The following CDK19 variants were observed in gnomAD, a reference collection of about 807,000 sequenced individuals.
The protein encoded by CDK19 is cyclin-dependent kinase 19.
Under a neutral mutation model 68.3 loss-of-function variants are expected in CDK19, and 20 were observed. The ratio of observed to expected loss-of-function variants is 0.29; its 90% CI spans 0.21 to 0.43. The LOEUF is 0.43. Ranked by LOEUF, CDK19 falls within the 20% of genes least tolerant of loss-of-function variation. The pLI is 1.00. For synonymous variants in CDK19, 221 were observed against 222.8 expected (o/e 0.99, Z 0.07); for missense variants, 339 against 623.5 (o/e 0.54, Z 4.86).
intron 2 of CDK19, among the ~76,000 whole-genome samples, chr6:110,735,108 CTTCT>C (rs1777143672): frequency 6.8e-6 from 1 of 146,234 alleles, no homozygotes. Context: ...AATTTTTAAT[CTTCT>C]TTTTTTTTTT....
chr6:110,740,820 T>G (rs1052294447), intron 2 of CDK19, among the ~76,000 whole-genome samples: 5 of 152,192 alleles, frequency 3.3e-5, no homozygotes, highest in African/African-American at 9.6e-5. Context: ...CCCTATCTAC[T>G]CTTTATGGTG....
chr6:110,707,583 T>C (rs1465236854), intron 2 of CDK19, among the ~76,000 whole-genome samples: 1 of 152,180 alleles, frequency 6.6e-6, no homozygotes, highest in Non-Finnish European at 1.5e-5. Context: ...ACTTAGCATA[T>C]TGTAAACAAC....
intron 1 of CDK19, among the ~76,000 whole-genome samples, chr6:110,807,457 TTTTGTTA>T (rs2115141344): frequency 6.6e-6 from 1 of 152,180 alleles, no homozygotes; most frequent in East Asian, 1.9e-4. Context: ...ACTGGTGGTT[TTTTGTTA>T]TTTTTGTTTT....
chr6:110,622,480 C>G (rs1778781937), intron 10 of CDK19, among the ~76,000 whole-genome samples: 1 of 152,188 alleles, frequency 6.6e-6, no homozygotes, highest in African/African-American at 2.4e-5. Flanking sequence ...TTTTGTAGTG[C>G]AGTGGACATG....
At chr6:110,770,369 T>A (rs1434410801) in intron 1 of CDK19, among the ~76,000 whole-genome samples, 2 of 152,208 alleles carry the variant, frequency 1.3e-5, no homozygotes, top group South Asian at 2.1e-4. Context: ...CGAAAGGCAC[T>A]TCTTACATGG....
rs187482927 is a variant in CDK19 at position 110,794,212 on chromosome 6, A to C, written c.128+20797T>G. Among the ~76,000 whole-genome samples, 16 of 150,808 alleles carry C rather than the reference A, an allele frequency of 1.1e-4. No individual in the cohort carries two copies. In the East Asian group the frequency reaches 2.6e-3, roughly 25 times the overall value. On this transcript the variant is annotated intron_variant, in intron 1 of 12. Coordinates refer to ENST00000368911, the MANE Select transcript of CDK19 (RefSeq NM_015076.5). Reference sequence around the variant, plus strand: ...GGGCGTCTGCCACCACGCCTAGCTAACTTTTGTATTTTTAGTAGAGATGGG... The same window carrying C: ...GGGCGTCTGCCACCACGCCTAGCTACCTTTTGTATTTTTAGTAGAGATGGG...
At chr6:110,660,877 C>T (rs555838577) in intron 4 of CDK19, among the ~76,000 whole-genome samples, 47 of 152,330 alleles carry the variant, frequency 3.1e-4, no homozygotes, top group African/African-American at 1.0e-3. Flanking sequence ...TAAGTTCTCA[C>T]TTTGGGCCAC....
chr6:110,767,747 C>A (rs1297969368), intron 1 of CDK19, among the ~76,000 whole-genome samples: 2 of 152,080 alleles, frequency 1.3e-5, no homozygotes, highest in African/African-American at 4.8e-5. Flanking sequence ...GATCATTACA[C>A]ATTGTATACA....
At chr6:110,813,803 C>T (rs1277959502) in intron 1 of CDK19, 2 of 152,226 alleles carry the variant, frequency 1.3e-5, no homozygotes, top group African/African-American at 2.4e-5. Context: ...TATAACAGCA[C>T]GCACAAAGAT....
At chr6:110,714,517 C>A (rs779625689) in intron 2 of CDK19, among the ~76,000 whole-genome samples, 7 of 152,234 alleles carry the variant, frequency 4.6e-5, no homozygotes, top group South Asian at 2.1e-4. Context: ...ACATTCCCAA[C>A]AGCAATGGGT....
intron 1 of CDK19, among the ~76,000 whole-genome samples, chr6:110,753,893 C>A (rs1205718009): frequency 6.6e-6 from 1 of 152,072 alleles, no homozygotes; most frequent in Non-Finnish European, 1.5e-5. Context: ...AATATTTCCC[C>A]AAGCTTCTTA....
At chr6:110,748,771 A>G (rs987993253) in intron 1 of CDK19, among the ~76,000 whole-genome samples, 4 of 152,278 alleles carry the variant, frequency 2.6e-5, no homozygotes, top group Non-Finnish European at 5.9e-5. Context: ...TATTGCTCTC[A>G]TCCCACGTGA....
In CDK19 at chr6:110,738,045, T is replaced by C. The variant is rs184823271; in HGVS notation, c.204+8081A>G. Among the ~76,000 whole-genome samples, 19 of 152,234 alleles carry C rather than the reference T, an allele frequency of 1.2e-4. No homozygotes were observed. In the East Asian group the frequency reaches 3.3e-3, roughly 26 times the overall value. On this transcript the variant is annotated intron_variant, in intron 2 of 12. Coordinates refer to ENST00000368911, the MANE Select transcript of CDK19 (RefSeq NM_015076.5). ...TCATGTTAAAAGTCTGAAAAAAAAATTCTTTTTCTACTTTGAGTGTTTTTT... is the reference window on the plus strand; with the variant it reads ...TCATGTTAAAAGTCTGAAAAAAAAACTCTTTTTCTACTTTGAGTGTTTTTT...
chr6:110,734,520 G>GCTCTCTCTCGCTCTCTCTCTCTCTCT (rs1777053854), intron 2 of CDK19, among the ~76,000 whole-genome samples: 3 of 85,734 alleles, frequency 3.5e-5, no homozygotes. Flanking sequence ...GGTGAGCACT[G>GCTCTCTCTCGCTCTCTCTCTCTCTCT]CTCTCTCTCT....
intron 1 of CDK19, among the ~76,000 whole-genome samples, chr6:110,759,626 C>T (rs558661088): frequency 3.6e-4 from 55 of 151,164 alleles, no homozygotes; most frequent in Non-Finnish European, 6.8e-4. Context: ...AGCTCTAAAA[C>T]ATAAATAAAT....
At chr6:110,651,856 GTTTA>G (rs1780993124) in intron 4 of CDK19, among the ~76,000 whole-genome samples, 2 of 152,136 alleles carry the variant, frequency 1.3e-5, no homozygotes, top group African/African-American at 4.8e-5. Context: ...TACAGTTTTA[GTTTA>G]TTTAGCATTT....
intron 2 of CDK19, among the ~76,000 whole-genome samples, chr6:110,703,356 T>C (rs1272706341): frequency 6.6e-6 from 1 of 152,112 alleles, no homozygotes; most frequent in Non-Finnish European, 1.5e-5. Flanking sequence ...AATTATGTTA[T>C]AATTAATATT....
At chr6:110,680,700 T>C (rs1156435566) in intron 2 of CDK19, among the ~76,000 whole-genome samples, 4 of 152,164 alleles carry the variant, frequency 2.6e-5, no homozygotes, top group Non-Finnish European at 4.4e-5. Flanking sequence ...TGTGATATAA[T>C]GTAAAAGGAC....
chr6:110,640,676 C>T (rs1020608370), intron 4 of CDK19, among the ~76,000 whole-genome samples: 2 of 152,100 alleles, frequency 1.3e-5, no homozygotes, highest in African/African-American at 4.8e-5. Flanking sequence ...AATGGTTAGG[C>T]GTGGTGGCTC....
Sources: allele counts gnomAD v4.1 joint callset (sites outside exome capture counted in the v4.1 genomes callset), GRCh38; gene constraint gnomAD v4.1.1; transcripts MANE v1.5; gene names NCBI Gene and HGNC (gene_info 2026-07-23, HGNC 2026-07-21).